Variants in TUBA1A observed in about 807,000 individuals in gnomAD.
The protein encoded by TUBA1A is tubulin alpha 1a, also known as tubulin alpha-1A chain.
Under a neutral mutation model 34.6 loss-of-function variants are expected in TUBA1A, and 7 were observed. The observed-to-expected ratio is 0.20, with a 90% CI of 0.11 to 0.38. The LOEUF is 0.38. Ranked by LOEUF, TUBA1A falls within the 10% of genes least tolerant of loss-of-function variation. The probability of loss-of-function intolerance (pLI) is 1.00; values close to 1 mark genes in which losing one functional copy is unlikely to be tolerated. For missense variants in TUBA1A, 19 were observed against 581.3 expected (o/e 0.03, Z 9.95); for synonymous variants, 193 against 210.2 (o/e 0.92, Z 0.71).
Position 49,189,053 on chromosome 12 carries a change from C to T in TUBA1A, c.-74G>A, listed in dbSNP as rs554470192. 15 of 1,602,330 alleles carry T rather than the reference C, an allele frequency of 9.4e-6. No individual in the cohort carries two copies. On this transcript the variant is annotated 5_prime_UTR_variant, in exon 1 of 4. Coordinates refer to ENST00000301071, the MANE Select transcript of TUBA1A (RefSeq NM_006009.4). ...GGTTGTTGCTTCTTACAGCGCGACT[C>T]TTAGGCGGTCGATGTAAGAGAACCT...
Position 49,188,678 on chromosome 12 carries a change from G to A in TUBA1A, c.3+299C>T. The A allele has an allele frequency of 1.4e-6, 2 of 1,436,830 alleles. No homozygotes were observed. Among genetic ancestry groups the A allele is most frequent in the African/African-American group, 1.4e-5 (1 of 69,752 alleles). The allele number at this position is 1,436,830 out of a possible 1,614,324, so 89.0% of individuals were successfully genotyped here. A position where few individuals can be genotyped will look rare whatever the true frequency, so the allele number is the denominator to read the frequency against. ...CCGGGACGCCCCAGACCCCTCGGTC[G>A]CGGCAGACGGGCTGCCCGCGGCCCC... On this transcript the variant is annotated intron_variant, in intron 1 of 3. Coordinates refer to ENST00000301071, the MANE Select transcript of TUBA1A (RefSeq NM_006009.4). The surrounding 1 kb of genome is among the most constrained non-coding windows in gnomAD (Gnocchi z 4.9).
In TUBA1A at chr12:49,188,196, A is replaced by C. The variant is rs969637192; in HGVS notation, c.3+781T>G. ...ATTATGATTTTGCTCAAGAAAAAAAAAAGTCATCTAACTTATAATAGTGAA... is the reference window on the plus strand; with the variant it reads ...ATTATGATTTTGCTCAAGAAAAAAACAAGTCATCTAACTTATAATAGTGAA... On this transcript the variant is annotated intron_variant, in intron 1 of 3. Coordinates refer to ENST00000301071, the MANE Select transcript of TUBA1A (RefSeq NM_006009.4). The surrounding 1 kb of genome is among the most constrained non-coding windows in gnomAD (Gnocchi z 4.9). 7 of 985,274 alleles carry C rather than the reference A, an allele frequency of 7.1e-6. No individual in the cohort carries two copies. In the East Asian group the frequency reaches 4.5e-4, roughly 64 times the overall value. 61.0% of individuals were successfully genotyped at this position (985,274 alleles called of 1,614,324 possible).
rs1592261307 is a variant in TUBA1A at position 49,188,362 on chromosome 12, C to A, written c.3+615G>T. 2 of 1,534,454 alleles carry A rather than the reference C, an allele frequency of 1.3e-6. No homozygotes were observed. Among genetic ancestry groups the A allele is most frequent in the Non-Finnish European group, 1.7e-6 (2 of 1,145,856 alleles). On this transcript the variant is annotated intron_variant, in intron 1 of 3. Coordinates refer to ENST00000301071, the MANE Select transcript of TUBA1A (RefSeq NM_006009.4). This position sits in a 1 kb window ranked among gnomAD's most constrained non-coding sequence, Gnocchi z 4.9. ...CGCCATAGAAGCCAGAAACAAACAA[C>A]CCCGCCCCTGCGCCGCCCTGACACC...
At position 49,188,467 on chromosome 12, in the gene TUBA1A, G is replaced by A; in HGVS notation, c.3+510C>T. ...ATCTTTCCAAAACGCCAAAGACCGC[G>A]GAGGGTCTTCCCACGCTAACCCTAG... On this transcript the variant is annotated intron_variant, in intron 1 of 3. Transcript: ENST00000301071. The surrounding 1 kb of genome is among the most constrained non-coding windows in gnomAD (Gnocchi z 4.9). 1.3e-6 allele frequency: 2 copies of A among 1,535,524 alleles called. No individual in the cohort carries two copies. The highest frequency in any genetic ancestry group is 1.2e-5 in the South Asian group (1 of 84,020).
rs1006574690 is a variant in TUBA1A, at chr12:49,187,713, T to C, written c.4-880A>G. The C allele has an allele frequency of 7.4e-6, 7 of 950,990 alleles. No homozygotes were observed. The Admixed American group carries it at 3.6e-4, about 49-fold the overall frequency. 58.9% of individuals were successfully genotyped at this position (950,990 alleles called of 1,614,324 possible). On this transcript the variant is annotated intron_variant, in intron 1 of 3. Transcript: ENST00000301071. The stretch of plus-strand genomic sequence containing the variant: ...TCCTAAGTTAGAAACAAGCATCACA[T>C]GAAAAGGTACCAAAGAATAAAAGCC...
In TUBA1A at chr12:49,186,784, T is replaced by C. The variant is rs1064795213; in HGVS notation, c.53A>G (p.Asn18Ser). Residue 18 changes from asparagine to serine, a missense_variant, in exon 2 of 4, where the codon AAT (asparagine) becomes AGT (serine). Physicochemically the swap from Asn to Ser is conservative, Grantham distance 46. Around this residue, in one of 2 missense-constraint regions of TUBA1A, gnomAD observed 14 missense variants for 565.0 expected, o/e 0.02. Coordinates refer to ENST00000301071, the MANE Select transcript of TUBA1A (RefSeq NM_006009.4). The surrounding 1 kb of genome is among the most constrained non-coding windows in gnomAD (Gnocchi z 6.6). ...CAGGCAGTAGAGCTCCCAGCAGGCA[T>C]TGCCAATCTGGACACCAGCCTGGCC... ...HVGQAGVQIGNACWELYCLEH... is the reference protein window; with the variant it reads ...HVGQAGVQIGSACWELYCLEH... The C allele has an allele frequency of 6.2e-7, 1 of 1,614,176 alleles. No individual in the cohort carries two copies. The highest frequency in any genetic ancestry group is 8.5e-7 in the Non-Finnish European group (1 of 1,180,030).
chr12:49,188,269 T>A lies in TUBA1A; in HGVS notation c.3+708A>T. The stretch of plus-strand genomic sequence containing the variant: ...GTTCCGCAATGATGAAAGGTTTTTT[T>A]GTTTTTTTTTCAGTCAGCTCCTGAC... On this transcript the variant is annotated intron_variant, in intron 1 of 3. Transcript: ENST00000301071. The surrounding 1 kb of genome is among the most constrained non-coding windows in gnomAD (Gnocchi z 4.9). The A allele has an allele frequency of 5.7e-6, 8 of 1,396,060 alleles. No individual in the cohort carries two copies. In the South Asian group the frequency reaches 9.6e-5, roughly 17 times the overall value. 86.5% of individuals were successfully genotyped at this position (1,396,060 alleles called of 1,614,324 possible).
Position 49,188,926 on chromosome 12 carries a change from G to C in TUBA1A, c.3+51C>G. ...CTTAAAGGTTTTCCAAGTAGAGCCT[G>C]GGGGCGCTGACTCCACCCAACGGCC... is the stretch of plus-strand genomic sequence containing the variant. On this transcript the variant is annotated intron_variant, in intron 1 of 3. Coordinates refer to ENST00000301071, the MANE Select transcript of TUBA1A (RefSeq NM_006009.4). The surrounding 1 kb of genome is among the most constrained non-coding windows in gnomAD (Gnocchi z 4.9). 3 of 1,613,990 alleles carry C rather than the reference G, an allele frequency of 1.9e-6. No individual in the cohort carries two copies. Among genetic ancestry groups the C allele is most frequent in the Non-Finnish European group, 2.5e-6 (3 of 1,179,916 alleles).
rs1942207947 is a variant in TUBA1A at position 49,188,295 on chromosome 12, A to C, written c.3+682T>G. On this transcript the variant is annotated intron_variant, in intron 1 of 3. Transcript: ENST00000301071. The surrounding 1 kb of genome is among the most constrained non-coding windows in gnomAD (Gnocchi z 4.9). Reference sequence around the variant, plus strand: ...GTTTTTTTTTCAGTCAGCTCCTGACAGAAGAGGTTCAGTGAGGGCGAACCC... The same window carrying C: ...GTTTTTTTTTCAGTCAGCTCCTGACCGAAGAGGTTCAGTGAGGGCGAACCC... 6.8e-7 allele frequency: 1 copy of C among 1,462,076 alleles called. No homozygotes were observed. The highest frequency in any genetic ancestry group is 9.0e-7 in the Non-Finnish European group (1 of 1,105,828). The allele number at this position is 1,462,076 out of a possible 1,614,324, so 90.6% of individuals were successfully genotyped here.
chr12:49,187,025 AATG>A, intron 1 of TUBA1A, 192 bp from the exon 2 acceptor site: 1 of 1,460,928 alleles, frequency 6.8e-7, no homozygotes, highest in South Asian at 1.5e-5. Context: ...TGGTCTGAAT[AATG>A]ATGTCGCCTT....
chr12:49,187,146 A>C, intron 1 of TUBA1A: 2 of 1,238,062 alleles, frequency 1.6e-6, no homozygotes, highest in Non-Finnish European at 1.0e-6. Flanking sequence ...AATTTTGTAA[A>C]ATGAAGTAAA....
At position 49,189,022 on chromosome 12, in the gene TUBA1A, A is replaced by G. The variant is rs767287078; in HGVS notation, c.-43T>C. The stretch of plus-strand genomic sequence containing the variant: ...TGCCGAGCTGATGGCGGAGACGAAG[A>G]GGAGAGGTTGTTGCTTCTTACAGCG... On this transcript the variant is annotated 5_prime_UTR_variant, in exon 1 of 4. Transcript: ENST00000301071. The G allele has an allele frequency of 1.2e-6, 2 of 1,613,844 alleles. No homozygotes were observed. Among genetic ancestry groups the G allele is most frequent in the South Asian group, 2.2e-5 (2 of 91,084 alleles).
chr12:49,186,515 G>A lies in TUBA1A; in HGVS notation c.227-57C>T. On this transcript the variant is annotated intron_variant, in intron 2 of 3. Coordinates refer to ENST00000301071, the MANE Select transcript of TUBA1A (RefSeq NM_006009.4). This position sits in a 1 kb window ranked among gnomAD's most constrained non-coding sequence, Gnocchi z 6.6. ...GAGGAGGAGGAGGGACGAGGAGCGG[G>A]GAGGGAGAGTGGGTGAGTGACCAGC... 1.2e-6 allele frequency: 2 copies of A among 1,612,930 alleles called. No individual in the cohort carries two copies. Among genetic ancestry groups the A allele is most frequent in the Non-Finnish European group, 8.5e-7 (1 of 1,179,098 alleles).
intron 1 of TUBA1A, chr12:49,187,859 G>A (rs1235257608): frequency 1.0e-6 from 1 of 952,522 alleles, no homozygotes; most frequent in Non-Finnish European, 1.2e-6. Context: ...CTTCTCTGTG[G>A]TCTTTAGGGC....
chr12:49,184,941 C>G lies in TUBA1A; in HGVS notation c.*69G>C. On this transcript the variant is annotated 3_prime_UTR_variant, in exon 4 of 4. Transcript: ENST00000301071. ...CTACATACAAATTAACTGATCAGAC[C>G]ACAACTTTTCAATGTTTAAAACAGA... 1 of 1,613,012 alleles carries G rather than the reference C, an allele frequency of 6.2e-7. No individual in the cohort carries two copies. The highest frequency in any genetic ancestry group is 8.5e-7 in the Non-Finnish European group (1 of 1,179,462).
At position 49,188,919 on chromosome 12, in the gene TUBA1A, A is replaced by G. The variant is rs368699278; in HGVS notation, c.3+58T>C. On this transcript the variant is annotated intron_variant, in intron 1 of 3. Transcript: ENST00000301071. The surrounding 1 kb of genome is among the most constrained non-coding windows in gnomAD (Gnocchi z 4.9). ...AAAAGAGCTTAAAGGTTTTCCAAGT[A>G]GAGCCTGGGGGCGCTGACTCCACCC... 9.9e-6 allele frequency: 16 copies of G among 1,614,044 alleles called. No homozygotes were observed. In the African/African-American group the frequency reaches 2.0e-4, roughly 20 times the overall value.
Position 49,188,789 on chromosome 12 carries a change from C to G in TUBA1A, c.3+188G>C, listed in dbSNP as rs1351289625. On this transcript the variant is annotated intron_variant, in intron 1 of 3. Transcript: ENST00000301071. This position sits in a 1 kb window ranked among gnomAD's most constrained non-coding sequence, Gnocchi z 4.9. Reference sequence around the variant, plus strand: ...GCTGCGCCCTGGGCGCAGTACTGGCCCGGTTCCTGCACCCGCACTGCGGCG... The same window carrying G: ...GCTGCGCCCTGGGCGCAGTACTGGCGCGGTTCCTGCACCCGCACTGCGGCG... 1 of 1,586,676 alleles carries G rather than the reference C, an allele frequency of 6.3e-7. No homozygotes were observed. The highest frequency in any genetic ancestry group is 8.5e-7 in the Non-Finnish European group (1 of 1,173,846).
rs565144370 is a variant in TUBA1A, at chr12:49,185,415, C to G, written c.951G>C (p.Leu317=). The change falls in exon 4 of 4, where the codon CTG becomes CTC. Residue 317 remains leucine, a synonymous_variant. Transcript: ENST00000301071. ...PRHGKYMACC[L]LYRGDVVPKD... is the part of the protein sequence containing the mutation. The stretch of plus-strand genomic sequence containing the variant: ...TGGGAACCACGTCACCACGGTACAA[C>G]AGGCAGCAAGCCATGTATTTACCAT... 6.2e-7 allele frequency: 1 copy of G among 1,614,092 alleles called. No individual in the cohort carries two copies. Among genetic ancestry groups the G allele is most frequent in the South Asian group, 1.1e-5 (1 of 91,082 alleles).
At chr12:49,187,094 A>C in intron 1 of TUBA1A, 1 of 1,351,712 alleles carries the variant, frequency 7.4e-7, no homozygotes, top group Non-Finnish European at 9.5e-7. Context: ...GCTTGAATAG[A>C]AGATTTTTCA....
Sources: gnomAD v4.1 joint callset for allele counts on GRCh38, gnomAD v4.1.1 for gene constraint, gnomAD v4.1.1 regional missense constraint, Gnocchi (gnomAD v3.1) non-coding constraint, MANE v1.5 for transcripts, NCBI Gene and HGNC (gene_info 2026-07-23, HGNC 2026-07-21) for gene names.